Variants in EPO observed in about 807,000 individuals in gnomAD.
EPO encodes the protein epoetin.
EPO carries 12 observed loss-of-function variants against 24.4 expected under a neutral mutation model. That is an observed-to-expected ratio of 0.49 (90% CI 0.32 to 0.80). The LOEUF is 0.80. EPO is among the 30% of genes least tolerant of loss of function. The pLI is 0.04. For missense variants in EPO, 210 were observed against 238.0 expected (o/e 0.88, Z 0.77); for synonymous variants, 107 against 104.0 (o/e 1.03, Z -0.18).
In EPO at chr7:100,720,571, C is replaced by T. The variant is rs1198743001; in HGVS notation, c.-410C>T. Reference sequence around the variant, plus strand: ...GAGCAGCCCCCATGACCCACACGCACGTCTGCAGCAGCCCCGCTCACGCCC... The same window carrying T: ...GAGCAGCCCCCATGACCCACACGCATGTCTGCAGCAGCCCCGCTCACGCCC... On this transcript the variant is annotated 5_prime_UTR_variant, in exon 1 of 5. It adds an upstream start codon to the 5' untranslated region. Coordinates refer to ENST00000252723, the MANE Select transcript of EPO (RefSeq NM_000799.4). Among the ~76,000 whole-genome samples the T allele has an allele frequency of 6.6e-6, 1 of 152,240 alleles. No individual in the cohort carries two copies. The highest frequency in any genetic ancestry group is 1.9e-4 in the East Asian group (1 of 5,160).
Position 100,720,713 on chromosome 7 carries a change from A to C in EPO, c.-268A>C. 6.8e-6 allele frequency: 2 copies of C among 293,672 alleles called. No individual in the cohort carries two copies. The highest frequency in any genetic ancestry group is 6.0e-6 in the Non-Finnish European group (1 of 165,448). 18.2% of individuals were successfully genotyped at this position (293,672 alleles called of 1,614,324 possible). A position where few individuals can be genotyped will look rare whatever the true frequency, so the allele number is the denominator to read the frequency against. On this transcript the variant is annotated 5_prime_UTR_variant, in exon 1 of 5. Coordinates refer to ENST00000252723, the MANE Select transcript of EPO (RefSeq NM_000799.4). ...CCCCCACCCGCGCACGCACACATGC[A>C]GATAACAGCCCCGACCCCCGGCCAG... is the stretch of plus-strand genomic sequence containing the variant.
rs368301789 is a variant in EPO at position 100,721,712 on chromosome 7, C to T, written c.159+9C>T. On this transcript the variant is annotated intron_variant, in intron 2 of 4. Coordinates refer to ENST00000252723, the MANE Select transcript of EPO (RefSeq NM_000799.4). The surrounding 1 kb of genome is among the most constrained non-coding windows in gnomAD (Gnocchi z 4.0). ...AGGCCGAGAATATCACGGTGAGACC[C>T]CTTCCCCAGCACATTCCACAGAACT... The T allele has an allele frequency of 6.2e-7, 1 of 1,606,268 alleles. No individual in the cohort carries two copies. The highest frequency in any genetic ancestry group is 1.7e-5 in the Admixed American group (1 of 59,752).
intron 3 of EPO, among the ~76,000 whole-genome samples, chr7:100,722,276 C>G (rs1307879061): frequency 6.6e-6 from 1 of 151,874 alleles, no homozygotes; most frequent in African/African-American, 2.4e-5. Context: ...GTGAGATCCC[C>G]CATCTCTACA....
At position 100,721,098 on chromosome 7, in the gene EPO, C is replaced by T. The variant is rs2131440144; in HGVS notation, c.13+105C>T. ...GGAGGTGGCTGGGTTCAAGGACCGG[C>T]GACTTGTCAAGGACCCCGGAAGGGG... is the stretch of plus-strand genomic sequence containing the variant. On this transcript the variant is annotated intron_variant, in intron 1 of 4. Transcript: ENST00000252723. This position sits in a 1 kb window ranked among gnomAD's most constrained non-coding sequence, Gnocchi z 4.0. 1.5e-6 allele frequency: 2 copies of T among 1,298,490 alleles called. No homozygotes were observed. Among genetic ancestry groups the T allele is most frequent in the East Asian group, 3.0e-5 (1 of 32,952 alleles). The allele number at this position is 1,298,490 out of a possible 1,614,324, so 80.4% of individuals were successfully genotyped here.
At position 100,721,012 on chromosome 7, in the gene EPO, GGC is replaced by G. The variant is rs768734974; in HGVS notation, c.13+22_13+23del. 6 of 1,572,190 alleles carry G rather than the reference GGC, an allele frequency of 3.8e-6. No homozygotes were observed. The highest frequency in any genetic ancestry group is 1.8e-4 in the Middle Eastern group (1 of 5,638). On this transcript the variant is annotated intron_variant, in intron 1 of 4. Coordinates refer to ENST00000252723, the MANE Select transcript of EPO (RefSeq NM_000799.4). This position sits in a 1 kb window ranked among gnomAD's most constrained non-coding sequence, Gnocchi z 4.0. Reference sequence around the variant, plus strand: ...GTGCACGGTGAGTACTCGCGGGCTGGGCGCTCCCGCCCGCCCGGGTCCCTGTT... The same window carrying G: ...GTGCACGGTGAGTACTCGCGGGCTGGGCTCCCGCCCGCCCGGGTCCCTGTT...
Position 100,721,684 on chromosome 7 carries a change from A to G in EPO, c.140A>G (p.Lys47Arg). ...CTGGAGAGGTACCTCTTGGAGGCCA[A>G]GGAGGCCGAGAATATCACGGTGAGA... ...RVLERYLLEA[K>R]EAENITTGCA... The change falls in exon 2 of 5, where the codon AAG becomes AGG. Residue 47 changes from lysine (K) to arginine (R), a missense_variant. Physicochemically the swap from Lys to Arg is conservative, Grantham distance 26. Transcript: ENST00000252723. This position sits in a 1 kb window ranked among gnomAD's most constrained non-coding sequence, Gnocchi z 4.0. The G allele has an allele frequency of 1.9e-6, 3 of 1,611,116 alleles. No individual in the cohort carries two copies. The South Asian group carries it at 3.3e-5, about 18-fold the overall frequency.
chr7:100,722,778 C>T lies in EPO; in HGVS notation c.361C>T (p.His121Tyr). Residue 121 changes from histidine (H) to tyrosine (Y), a missense_variant, in exon 4 of 5, where the codon CAT becomes TAT. Coordinates refer to ENST00000252723, the MANE Select transcript of EPO (RefSeq NM_000799.4). ...SSQPWEPLQLHVDKAVSGLRS... is the reference protein window; with the variant it reads ...SSQPWEPLQLYVDKAVSGLRS... Reference sequence around the variant, plus strand: ...CCAGCCGTGGGAGCCCCTGCAGCTGCATGTGGATAAAGCCGTCAGTGGCCT... The same window carrying T: ...CCAGCCGTGGGAGCCCCTGCAGCTGTATGTGGATAAAGCCGTCAGTGGCCT... The T allele has an allele frequency of 6.2e-7, 1 of 1,614,076 alleles. No individual in the cohort carries two copies. The highest frequency in any genetic ancestry group is 8.5e-7 in the Non-Finnish European group (1 of 1,179,990).
chr7:100,721,601 C>T lies in EPO; in HGVS notation c.57C>T (p.Leu19=). The T allele has an allele frequency of 6.2e-7, 1 of 1,614,050 alleles. No individual in the cohort carries two copies. Among genetic ancestry groups the T allele is most frequent in the Non-Finnish European group, 8.5e-7 (1 of 1,180,036 alleles). Residue 19 remains leucine, a synonymous_variant, in exon 2 of 5, where the codon CTC becomes CTT. Transcript: ENST00000252723. The surrounding 1 kb of genome is among the most constrained non-coding windows in gnomAD (Gnocchi z 4.0). ...GGCTTCTCCTGTCCCTGCTGTCGCT[C>T]CCTCTGGGCCTCCCAGTCCTGGGCG... ...WLWLLLSLLS[L]PLGLPVLGAP...
At position 100,721,135 on chromosome 7, in the gene EPO, G is replaced by A; in HGVS notation, c.13+142G>A. On this transcript the variant is annotated intron_variant, in intron 1 of 4. Transcript: ENST00000252723. This position sits in a 1 kb window ranked among gnomAD's most constrained non-coding sequence, Gnocchi z 4.0. ...GACCCCGGAAGGGGGAGGGGGGTGGGGCAGCCTCCACGTGCCAGCGGGGAC... is the reference window on the plus strand; with the variant it reads ...GACCCCGGAAGGGGGAGGGGGGTGGAGCAGCCTCCACGTGCCAGCGGGGAC... 2 of 336,954 alleles carry A rather than the reference G, an allele frequency of 5.9e-6. No homozygotes were observed. The highest frequency in any genetic ancestry group is 9.8e-5 in the East Asian group (1 of 10,202). The allele number at this position is 336,954 out of a possible 1,614,324, so 20.9% of individuals were successfully genotyped here.
rs757662591 is a variant in EPO, at chr7:100,722,733, G to A, written c.316G>A (p.Ala106Thr). ...GTCGGAAGCTGTCCTGCGGGGCCAG[G>A]CCCTGTTGGTCAACTCTTCCCAGCC... ...LLSEAVLRGQ[A>T]LLVNSSQPWE... The change falls in exon 4 of 5, where the codon GCC becomes ACC. Residue 106 changes from alanine (A) to threonine (T), a missense_variant. By Grantham distance (58) the Ala-to-Thr change is moderately conservative. Transcript: ENST00000252723. The A allele has an allele frequency of 7.1e-5, 114 of 1,613,624 alleles. 1 individual carries two copies. The highest frequency in any genetic ancestry group is 9.2e-5 in the Non-Finnish European group (108 of 1,179,982).
chr7:100,723,208 C>G lies in EPO; in HGVS notation c.*75C>G. On this transcript the variant is annotated 3_prime_UTR_variant, in exon 5 of 5. Coordinates refer to ENST00000252723, the MANE Select transcript of EPO (RefSeq NM_000799.4). ...TTGTGCCACACCCTCCCCCGCCACT[C>G]CTGAACCCCGTCGAGGGGCTCTCAG... 1 of 1,549,438 alleles carries G rather than the reference C, an allele frequency of 6.5e-7. No individual in the cohort carries two copies. The highest frequency in any genetic ancestry group is 8.8e-7 in the Non-Finnish European group (1 of 1,139,688).
At position 100,723,025 on chromosome 7, in the gene EPO, A is replaced by T. The variant is rs1438185828; in HGVS notation, c.474A>T (p.Arg158=). Residue 158 remains arginine (R), a synonymous_variant, in exon 5 of 5, where the codon CGA becomes CGT. Coordinates refer to ENST00000252723, the MANE Select transcript of EPO (RefSeq NM_000799.4). ...ATGCGGCCTCAGCTGCTCCACTCCGAACAATCACTGCTGACACTTTCCGCA... is the reference window on the plus strand; with the variant it reads ...ATGCGGCCTCAGCTGCTCCACTCCGTACAATCACTGCTGACACTTTCCGCA... ...PPDAASAAPL[R]TITADTFRKL... 3 of 1,614,110 alleles carry T rather than the reference A, an allele frequency of 1.9e-6. No homozygotes were observed. The highest frequency in any genetic ancestry group is 1.6e-4 in the Middle Eastern group (1 of 6,062).
At position 100,722,664 on chromosome 7, in the gene EPO, G is replaced by T. The variant is rs2131441425; in HGVS notation, c.247G>T (p.Val83Phe). ...VNFYAWKRME[V>F]GQQAVEVWQG... ...GACTCCCAGAGTCCACTCCCTGTAG[G>T]TCGGGCAGCAGGCCGTAGAAGTCTG... is the stretch of plus-strand genomic sequence containing the variant. The change falls in exon 4 of 5, where the codon GTC (valine) becomes TTC (phenylalanine). Residue 83 changes from valine to phenylalanine, a missense_variant and splice_region_variant. Physicochemically the swap from Val to Phe is conservative, Grantham distance 50. Coordinates refer to ENST00000252723, the MANE Select transcript of EPO (RefSeq NM_000799.4). The T allele has an allele frequency of 1.3e-6, 2 of 1,588,996 alleles. No homozygotes were observed. The highest frequency in any genetic ancestry group is 1.7e-6 in the Non-Finnish European group (2 of 1,172,522).
In EPO at chr7:100,721,772, C is replaced by A; in HGVS notation, c.159+69C>A. ...GGCTTCAGGGAACTCCTCCCAGATCCAGGAACCTGGCACTTGGTTTGGGGT... is the reference window on the plus strand; with the variant it reads ...GGCTTCAGGGAACTCCTCCCAGATCAAGGAACCTGGCACTTGGTTTGGGGT... On this transcript the variant is annotated intron_variant, in intron 2 of 4. Coordinates refer to ENST00000252723, the MANE Select transcript of EPO (RefSeq NM_000799.4). This position sits in a 1 kb window ranked among gnomAD's most constrained non-coding sequence, Gnocchi z 4.0. The A allele has an allele frequency of 6.4e-7, 1 of 1,554,748 alleles. No homozygotes were observed. The highest frequency in any genetic ancestry group is 8.7e-7 in the Non-Finnish European group (1 of 1,155,676).
chr7:100,722,849 T>G lies in EPO; in HGVS notation c.426+6T>G. 2 of 1,612,578 alleles carry G rather than the reference T, an allele frequency of 1.2e-6. No individual in the cohort carries two copies. The highest frequency in any genetic ancestry group is 2.2e-5 in the South Asian group (2 of 90,938). On this transcript the variant is annotated splice_donor_region_variant and intron_variant, in intron 4 of 4. Coordinates refer to ENST00000252723, the MANE Select transcript of EPO (RefSeq NM_000799.4). ...TTCGGGCTCTGGGAGCCCAGGTGAG[T>G]AGGAGCGGACACTTCTGCTTGCCCT...
chr7:100,720,692 C>G lies in EPO; in HGVS notation c.-289C>G, dbSNP rs1268680679. 2.8e-6 allele frequency: 1 copy of G among 360,714 alleles called. No homozygotes were observed. Among genetic ancestry groups the G allele is most frequent in the Non-Finnish European group, 4.9e-6 (1 of 203,356 alleles). The allele number at this position is 360,714 out of a possible 1,614,324, so 22.3% of individuals were successfully genotyped here. Reference sequence around the variant, plus strand: ...ACGCACACAGCCTCTCCCCCACCCCCACCCGCGCACGCACACATGCAGATA... The same window carrying G: ...ACGCACACAGCCTCTCCCCCACCCCGACCCGCGCACGCACACATGCAGATA... On this transcript the variant is annotated 5_prime_UTR_variant, in exon 1 of 5. Transcript: ENST00000252723.
Position 100,721,513 on chromosome 7 carries a change from C to T in EPO, c.14-45C>T. On this transcript the variant is annotated intron_variant, in intron 1 of 4. Transcript: ENST00000252723. The surrounding 1 kb of genome is among the most constrained non-coding windows in gnomAD (Gnocchi z 4.0). ...AAGGAAGCTGTCCTTCCACAGCCAC[C>T]CTTCTCCCTCCCCGCCTGACTCTCA... is the stretch of plus-strand genomic sequence containing the variant. 1 of 1,595,840 alleles carries T rather than the reference C, an allele frequency of 6.3e-7. No individual in the cohort carries two copies. Among genetic ancestry groups the T allele is most frequent in the Non-Finnish European group, 8.6e-7 (1 of 1,169,136 alleles).
Position 100,722,059 on chromosome 7 carries a change from T to C in EPO, c.246+11T>C, listed in dbSNP as rs752445690. On this transcript the variant is annotated intron_variant, in intron 3 of 4. Transcript: ENST00000252723. ...TGGAAGAGGATGGAGGTGAGTTCCT[T>C]TTTTTTTTTTTTTCCTTTCTTTTGG... 1.8e-6 allele frequency: 2 copies of C among 1,138,596 alleles called. No individual in the cohort carries two copies. Among genetic ancestry groups the C allele is most frequent in the African/African-American group, 1.8e-5 (1 of 54,552 alleles). 70.5% of individuals were successfully genotyped at this position (1,138,596 alleles called of 1,614,324 possible). A position where few individuals can be genotyped will look rare whatever the true frequency, so the allele number is the denominator to read the frequency against.
Position 100,722,055 on chromosome 7 carries a change from T to TC in EPO, c.246+9dup. On this transcript the variant is annotated splice_region_variant and intron_variant, in intron 3 of 4. Coordinates refer to ENST00000252723, the MANE Select transcript of EPO (RefSeq NM_000799.4). ...TGCCTGGAAGAGGATGGAGGTGAGT[T>TC]CCTTTTTTTTTTTTTTTCCTTTCTT... 6.4e-7 allele frequency: 1 copy of TC among 1,558,992 alleles called. No homozygotes were observed. Among genetic ancestry groups the TC allele is most frequent in the Non-Finnish European group, 8.7e-7 (1 of 1,155,332 alleles).
Sources: gnomAD v4.1 joint callset for allele counts (sites outside exome capture counted in the v4.1 genomes callset) on GRCh38, gnomAD v4.1.1 for gene constraint, Gnocchi (gnomAD v3.1) non-coding constraint, MANE v1.5 for transcripts, NCBI Gene and HGNC (gene_info 2026-07-23, HGNC 2026-07-21) for gene names.